SPHKAP: variants seen among roughly 807,000 people sequenced by gnomAD.
SPHKAP encodes A-kinase anchor protein SPHKAP.
In SPHKAP, 67 loss-of-function variants were observed where a neutral mutation model predicts 137.5. The observed-to-expected ratio is 0.49, with a 90% CI of 0.40 to 0.60. The LOEUF (loss-of-function observed/expected upper bound fraction) is 0.60, where lower values mean the gene tolerates loss of function less well. Ranked by LOEUF, SPHKAP falls within the 20% of genes least tolerant of loss-of-function variation. SPHKAP has a pLI of 0.00. For missense variants in SPHKAP, 2,097 were observed against 2,069.3 expected, an observed-to-expected ratio of 1.01 and a Z score of -0.26; for synonymous variants, 813 against 785.3, an observed-to-expected ratio of 1.04 and a Z score of -0.59.
intron 1 of SPHKAP, among the ~76,000 whole-genome samples, chr2:228,173,544 G>A (rs1055498211): frequency 6.6e-6 from 1 of 152,148 alleles, no homozygotes; most frequent in Non-Finnish European, 1.5e-5. Flanking sequence ...TGGGAGAAAA[G>A]GACTCAACCC....
chr2:227,986,271 C>G (rs1027505356), intron 11 of SPHKAP, among the ~76,000 whole-genome samples: 1 of 152,144 alleles, frequency 6.6e-6, no homozygotes, highest in Non-Finnish European at 1.5e-5. Flanking sequence ...AGTCAAAAGT[C>G]AATACCATCA....
chr2:228,177,671 A>C (rs1700782448), intron 1 of SPHKAP, among the ~76,000 whole-genome samples: 1 of 152,196 alleles, frequency 6.6e-6, no homozygotes, highest in Admixed American at 6.5e-5. Flanking sequence ...TCCATTTTAA[A>C]AAATCAATTT....
intron 3 of SPHKAP, among the ~76,000 whole-genome samples, chr2:228,096,435 C>T (rs1175724672): frequency 6.6e-6 from 1 of 152,102 alleles, no homozygotes; most frequent in Non-Finnish European, 1.5e-5. Context: ...AACCACCACC[C>T]CGACAAGCCC....
At chr2:228,091,744 G>A (rs1697741105) in intron 3 of SPHKAP, among the ~76,000 whole-genome samples, 1 of 151,962 alleles carries the variant, frequency 6.6e-6, no homozygotes, top group Non-Finnish European at 1.5e-5. Flanking sequence ...TGCAAGAATG[G>A]CCATAATCAA....
intron 2 of SPHKAP, 171 bp downstream of exon 2, chr2:228,131,809 C>T: frequency 1.0e-6 from 1 of 983,204 alleles, no homozygotes; most frequent in Non-Finnish European, 1.2e-6. Flanking sequence ...TCATCATTTC[C>T]ATGAATTAAA....
At chr2:228,043,083 G>C (rs1695911929) in intron 3 of SPHKAP, among the ~76,000 whole-genome samples, 1 of 152,132 alleles carries the variant, frequency 6.6e-6, no homozygotes, top group Non-Finnish European at 1.5e-5. Flanking sequence ...CCATTTCCTA[G>C]TCATTATTGC....
intron 7 of SPHKAP, among the ~76,000 whole-genome samples, chr2:228,003,143 TA>T (rs1418295664): frequency 5.9e-5 from 9 of 152,240 alleles, no homozygotes; most frequent in African/African-American, 1.9e-4. Flanking sequence ...ATTGAATCTA[TA>T]AATTACCTTG....
chr2:228,037,174 CAT>C (rs1695653802), intron 3 of SPHKAP, among the ~76,000 whole-genome samples: 1 of 151,928 alleles, frequency 6.6e-6, no homozygotes, highest in South Asian at 2.1e-4. Flanking sequence ...ACTCTAAAGA[CAT>C]AATTTGGATT....
intron 3 of SPHKAP, among the ~76,000 whole-genome samples, chr2:228,044,049 A>G (rs1438447268): frequency 6.6e-6 from 1 of 152,224 alleles, no homozygotes; most frequent in Admixed American, 6.5e-5. Context: ...AAAAATACAA[A>G]TAGTTTATCT....
In SPHKAP at chr2:228,026,702, C is replaced by A. The variant is rs112512598; in HGVS notation, c.306+782G>T. Reference sequence around the variant, plus strand: ...TTCTTTTGAAAATCCCATAGTACTACACATATGATGATATTTGGGGCTCGG... The same window carrying A: ...TTCTTTTGAAAATCCCATAGTACTAAACATATGATGATATTTGGGGCTCGG... On this transcript the variant is annotated intron_variant, in intron 4 of 11. Transcript: ENST00000392056. Among the ~76,000 whole-genome samples, 1,275 of 152,220 alleles carry A rather than the reference C, an allele frequency of 8.4e-3. 10 individuals are homozygous for A. The highest frequency in any genetic ancestry group is 0.025 in the African/African-American group (1,053 of 41,542).
chr2:228,020,609 C>T (rs892506122), intron 6 of SPHKAP, among the ~76,000 whole-genome samples: 3 of 151,924 alleles, frequency 2.0e-5, no homozygotes, highest in Non-Finnish European at 2.9e-5. Flanking sequence ...GGAGATATAC[C>T]TAATGTAAAT....
intron 3 of SPHKAP, among the ~76,000 whole-genome samples, chr2:228,069,239 C>G (rs1171559510): frequency 6.6e-6 from 1 of 152,122 alleles, no homozygotes; most frequent in African/African-American, 2.4e-5. Context: ...TGCACTCCAG[C>G]CTGGGCGACA....
intron 3 of SPHKAP, among the ~76,000 whole-genome samples, chr2:228,041,860 T>A (rs1457930294): frequency 4.6e-5 from 7 of 151,964 alleles, no homozygotes. Context: ...GCTCCTATGC[T>A]GTTGTGAGGA....
intron 3 of SPHKAP, among the ~76,000 whole-genome samples, chr2:228,058,866 G>A (rs1210624266): frequency 6.6e-6 from 1 of 152,144 alleles, no homozygotes. Flanking sequence ...TTTTACACTT[G>A]TATAGATTCT....
rs768391480 is a variant in SPHKAP, at chr2:227,993,588, C to T, written c.4667G>A (p.Gly1556Asp). ...NGNSSATSSLGIMDLDIYQES... is the reference protein window; with the variant it reads ...NGNSSATSSLDIMDLDIYQES... ...CTGATAAATGTCCAGATCCATAATGCCAAGACTGCTAGTGGCACTACTGTT... is the reference window on the plus strand; with the variant it reads ...CTGATAAATGTCCAGATCCATAATGTCAAGACTGCTAGTGGCACTACTGTT... The change falls in exon 9 of 12, where the codon GGC becomes GAC. Residue 1556 changes from glycine to aspartate, a missense_variant. Transcript: ENST00000392056. The T allele has an allele frequency of 6.2e-7, 1 of 1,602,722 alleles. No homozygotes were observed. The highest frequency in any genetic ancestry group is 1.3e-5 in the African/African-American group (1 of 74,926).
At chr2:228,081,206 C>T (rs1226878701) in intron 3 of SPHKAP, among the ~76,000 whole-genome samples, 1 of 152,166 alleles carries the variant, frequency 6.6e-6, no homozygotes, top group African/African-American at 2.4e-5. Context: ...GCAAGAAATA[C>T]ACAATTGACT....
At chr2:228,124,489 A>C (rs1174816216) in intron 2 of SPHKAP, among the ~76,000 whole-genome samples, 1 of 151,200 alleles carries the variant, frequency 6.6e-6, no homozygotes, top group Non-Finnish European at 1.5e-5. Flanking sequence ...AAGGACAAAA[A>C]ACCAAACACC....
chr2:228,175,664 A>C (rs1700717690), intron 1 of SPHKAP, among the ~76,000 whole-genome samples: 1 of 152,102 alleles, frequency 6.6e-6, no homozygotes, highest in African/African-American at 2.4e-5. Flanking sequence ...GAAAATAGCT[A>C]GTTAATTTAT....
At chr2:228,011,704 AT>A (rs1694376994) in intron 7 of SPHKAP, among the ~76,000 whole-genome samples, 1 of 152,102 alleles carries the variant, frequency 6.6e-6, no homozygotes, top group South Asian at 2.1e-4. Flanking sequence ...TTGCTTGTCA[AT>A]TTTTTTAATT....
Sources: allele counts gnomAD v4.1 joint callset (sites outside exome capture counted in the v4.1 genomes callset), GRCh38; gene constraint gnomAD v4.1.1; transcripts MANE v1.5; gene names NCBI Gene and HGNC (gene_info 2026-07-23, HGNC 2026-07-21).